RALYL: variants seen among roughly 807,000 people sequenced by gnomAD.
The protein encoded by RALYL is RNA-binding Raly-like protein.
In RALYL, 29 loss-of-function variants were observed where a neutral mutation model predicts 35.1. The ratio of observed to expected loss-of-function variants is 0.83; its 90% CI spans 0.61 to 1.13. The LOEUF (loss-of-function observed/expected upper bound fraction) is 1.13, where lower values mean the gene tolerates loss of function less well. RALYL is among the 50% of genes most tolerant of loss of function. RALYL has a pLI of 0.00. For synonymous variants in RALYL, 120 were observed against 127.6 expected, an observed-to-expected ratio of 0.94 and a Z score of 0.40; for missense variants, 359 against 360.4, an observed-to-expected ratio of 1.00 and a Z score of 0.03.
At chr8:84,790,898 G>A (rs1186332117) in intron 3 of RALYL, among the ~76,000 whole-genome samples, 3 of 152,178 alleles carry the variant, frequency 2.0e-5, no homozygotes, top group Non-Finnish European at 4.4e-5. Flanking sequence ...TGCCACAAGA[G>A]TAAGCTACGG....
intron 8 of RALYL, among the ~76,000 whole-genome samples, chr8:84,919,565 T>C (rs1469750927): frequency 6.6e-6 from 1 of 152,008 alleles, no homozygotes; most frequent in East Asian, 1.9e-4. Context: ...AAGCTTTCAT[T>C]TTTCAAAATT....
At chr8:84,286,228 G>A (rs377544339) in intron 1 of RALYL, among the ~76,000 whole-genome samples, 28 of 152,036 alleles carry the variant, frequency 1.8e-4, no homozygotes, top group South Asian at 6.2e-4. Context: ...GCGCCTGGCC[G>A]AATGTTTTTA....
intron 1 of RALYL, among the ~76,000 whole-genome samples, chr8:84,190,326 A>C (rs1813562201): frequency 6.6e-6 from 1 of 152,206 alleles, no homozygotes; most frequent in Non-Finnish European, 1.5e-5. Context: ...AACACATATA[A>C]GTGTAACATA....
intron 1 of RALYL, among the ~76,000 whole-genome samples, chr8:84,522,490 C>T (rs2058540039): frequency 1.3e-5 from 2 of 151,978 alleles, no homozygotes; most frequent in South Asian, 4.1e-4. Context: ...ACCTCGTGAT[C>T]CGCCCGCCTC....
At chr8:84,487,953 A>G (rs1447828254) in intron 1 of RALYL, among the ~76,000 whole-genome samples, 1 of 152,094 alleles carries the variant, frequency 6.6e-6, no homozygotes, top group Non-Finnish European at 1.5e-5. Context: ...TGTGAAGTCA[A>G]CAGAGGAAAG....
chr8:84,427,000 C>T (rs1386096620), intron 1 of RALYL, among the ~76,000 whole-genome samples: 1 of 152,106 alleles, frequency 6.6e-6, no homozygotes, highest in African/African-American at 2.4e-5. Context: ...ACTCCCATGT[C>T]ATGTTCATTG....
At chr8:84,543,105 A>G (rs2060123903) in intron 2 of RALYL, among the ~76,000 whole-genome samples, 1 of 152,076 alleles carries the variant, frequency 6.6e-6, no homozygotes, top group African/African-American at 2.4e-5. Flanking sequence ...CTTCCTGGAA[A>G]TTATTAATTA....
intron 3 of RALYL, among the ~76,000 whole-genome samples, chr8:84,791,920 G>T (rs960075912): frequency 6.6e-6 from 1 of 152,204 alleles, no homozygotes; most frequent in Non-Finnish European, 1.5e-5. Context: ...CCCCCGGCAG[G>T]ATGTGACAGG....
intron 2 of RALYL, among the ~76,000 whole-genome samples, chr8:84,685,959 A>T (rs1474585589): frequency 6.6e-6 from 1 of 152,146 alleles, no homozygotes; most frequent in Non-Finnish European, 1.5e-5. Context: ...GGTGTGGCTT[A>T]TAAAACACCC....
chr8:84,237,457 T>C (rs1404496822), intron 1 of RALYL, among the ~76,000 whole-genome samples: 1 of 152,066 alleles, frequency 6.6e-6, no homozygotes, highest in African/African-American at 2.4e-5. Flanking sequence ...TTGGTAGAAA[T>C]TTGAGGTATT....
At chr8:84,368,458 G>C (rs1854984670) in intron 1 of RALYL, among the ~76,000 whole-genome samples, 1 of 152,110 alleles carries the variant, frequency 6.6e-6, no homozygotes, top group Admixed American at 6.6e-5. Flanking sequence ...ACTCCCAGTA[G>C]CATTTGGTCA....
At chr8:84,194,193 G>A (rs144594138) in intron 1 of RALYL, among the ~76,000 whole-genome samples, 378 of 152,258 alleles carry the variant, frequency 2.5e-3, no homozygotes, top group East Asian at 0.013. Context: ...GATATTGTGA[G>A]GTGAAGCTGA....
At chr8:84,532,496 GTTC>G (rs2059340615) in intron 2 of RALYL, among the ~76,000 whole-genome samples, 1 of 151,934 alleles carries the variant, frequency 6.6e-6, no homozygotes, top group Non-Finnish European at 1.5e-5. Flanking sequence ...ACCCCGGCCA[GTTC>G]TTAATATGAA....
chr8:84,432,698 A>C (rs749289351), intron 1 of RALYL, among the ~76,000 whole-genome samples: 2 of 152,084 alleles, frequency 1.3e-5, no homozygotes, highest in Non-Finnish European at 2.9e-5. Context: ...ATATGCCTGG[A>C]GTTTTATAAG....
chr8:84,736,937 A>T (rs1289682982), intron 2 of RALYL, among the ~76,000 whole-genome samples: 2 of 152,058 alleles, frequency 1.3e-5, no homozygotes, highest in African/African-American at 4.8e-5. Flanking sequence ...CTTGCTATTC[A>T]ACACATTTTG....
At chr8:84,387,809 T>C (rs1009243947) in intron 1 of RALYL, among the ~76,000 whole-genome samples, 1 of 151,356 alleles carries the variant, frequency 6.6e-6, no homozygotes, top group Non-Finnish European at 1.5e-5. Context: ...CTTTCTTTTT[T>C]TTTTTTTTTG....
At chr8:84,663,771 C>T (rs909934409) in intron 2 of RALYL, among the ~76,000 whole-genome samples, 3 of 151,954 alleles carry the variant, frequency 2.0e-5, no homozygotes, top group Non-Finnish European at 4.4e-5. Flanking sequence ...CTAGGCTGTC[C>T]ATTCACTCTG....
chr8:84,862,180 C>G, intron 5 of RALYL, 116 bp from the exon 6 acceptor site: 7 of 853,966 alleles, frequency 8.2e-6, no homozygotes, highest in Non-Finnish European at 1.2e-5. Flanking sequence ...AGAACAGCAG[C>G]AGAAAGAAAA....
At chr8:84,312,860 C>T (rs575557437) in intron 1 of RALYL, among the ~76,000 whole-genome samples, 1 of 152,214 alleles carries the variant, frequency 6.6e-6, no homozygotes, top group Non-Finnish European at 1.5e-5. Context: ...CCTTTTCTCA[C>T]AGCTCCACTA....
Sources: allele counts gnomAD v4.1 joint callset (sites outside exome capture counted in the v4.1 genomes callset), GRCh38; gene constraint gnomAD v4.1.1; transcripts MANE v1.5; gene names NCBI Gene and HGNC (gene_info 2026-07-23, HGNC 2026-07-21).